The following SLC14A2 variants were observed in gnomAD, a reference collection of about 807,000 sequenced individuals.
The protein encoded by SLC14A2 is solute carrier family 14 member 2.
A neutral mutation model predicts 104.6 loss-of-function variants in SLC14A2; 91 were observed. That is an observed-to-expected ratio of 0.87 (90% CI 0.73 to 1.04). The LOEUF is 1.04. Among genes scored for constraint, SLC14A2 ranks in the 50% least tolerant of loss-of-function variants. The probability of loss-of-function intolerance (pLI) is 0.00; values close to 1 mark genes in which losing one functional copy is unlikely to be tolerated. For synonymous variants in SLC14A2, 476 were observed against 466.4 expected (o/e 1.02, Z -0.27); for missense variants, 1,189 against 1,156.0 (o/e 1.03, Z -0.41).
At chr18:45,473,790 G>A (rs1291245911) in intron 1 of SLC14A2, among the ~76,000 whole-genome samples, 2 of 152,114 alleles carry the variant, frequency 1.3e-5, no homozygotes, top group Non-Finnish European at 2.9e-5. Flanking sequence ...TGAGATGATG[G>A]GGTTTTCTAA....
chr18:45,383,174 CGA>C (rs1433491182), intron 1 of SLC14A2, among the ~76,000 whole-genome samples: 1 of 152,160 alleles, frequency 6.6e-6, no homozygotes, highest in Non-Finnish European at 1.5e-5. Context: ...AATGGGTTAG[CGA>C]GAAAAGCAGG....
At chr18:45,250,755 C>CTTTTTTTTTTTTTTTTTT (rs67864793) in intron 1 of SLC14A2, among the ~76,000 whole-genome samples, 18 of 93,884 alleles carry the variant, frequency 1.9e-4, no homozygotes, top group African/African-American at 7.0e-4. Flanking sequence ...TGGCTTCTTC[C>CTTTTTTTTTTTTTTTTTT]TTTTTTTTTT....
intron 2 of SLC14A2, among the ~76,000 whole-genome samples, chr18:45,490,957 G>T (rs1398063850): frequency 6.6e-6 from 1 of 152,178 alleles, no homozygotes; most frequent in African/African-American, 2.4e-5. Context: ...AAAATTGAAA[G>T]GTTCAGCAAT....
intron 1 of SLC14A2, among the ~76,000 whole-genome samples, chr18:45,350,099 T>A (rs573710314): frequency 3.3e-5 from 5 of 152,344 alleles, no homozygotes; most frequent in African/African-American, 1.2e-4. Context: ...CACAGACCCT[T>A]GAGCATGGTC....
At chr18:45,670,697 G>A (rs532171923) in intron 16 of SLC14A2, among the ~76,000 whole-genome samples, 1 of 152,274 alleles carries the variant, frequency 6.6e-6, no homozygotes, top group African/African-American at 2.4e-5. Context: ...GTCTCATTCT[G>A]TCACCCCGGC....
chr18:45,638,323 A>G (rs1286356287), intron 6 of SLC14A2, among the ~76,000 whole-genome samples: 1 of 152,228 alleles, frequency 6.6e-6, no homozygotes, highest in African/African-American at 2.4e-5. Flanking sequence ...GGTTATTAAA[A>G]GACCATTCAT....
intron 1 of SLC14A2, among the ~76,000 whole-genome samples, chr18:45,340,170 C>A (rs1002239767): frequency 1.3e-5 from 2 of 152,316 alleles, no homozygotes; most frequent in African/African-American, 4.8e-5. Context: ...TTTCTCAGAG[C>A]AGCATTTCTG....
intron 2 of SLC14A2, among the ~76,000 whole-genome samples, chr18:45,595,227 G>A (rs895338824): frequency 8.6e-5 from 9 of 104,068 alleles, no homozygotes; most frequent in Non-Finnish European, 1.1e-4. Flanking sequence ...TTAATGTTAC[G>A]CAAAAAGCAG....
intron 1 of SLC14A2, among the ~76,000 whole-genome samples, chr18:45,306,800 G>A (rs1472905966): frequency 6.6e-6 from 1 of 152,162 alleles, no homozygotes; most frequent in Non-Finnish European, 1.5e-5. Flanking sequence ...CAGCTGGGTG[G>A]CAGCTAAGAT....
chr18:45,354,144 G>A (rs757972658), intron 1 of SLC14A2, among the ~76,000 whole-genome samples: 6 of 152,092 alleles, frequency 3.9e-5, no homozygotes, highest in Non-Finnish European at 7.3e-5. Context: ...TCAATACTAC[G>A]TAAATATAAA....
rs116373129 is a variant in SLC14A2 at position 45,619,304 on chromosome 18, C to T, written c.-35+3722C>T. Among the ~76,000 whole-genome samples, 197 of 152,366 alleles carry T rather than the reference C, an allele frequency of 1.3e-3. 2 individuals carry two copies. The highest frequency in any genetic ancestry group is 3.6e-3 in the African/African-American group (151 of 41,584). On this transcript the variant is annotated intron_variant, in intron 1 of 19. Transcript: ENST00000255226. ...CTCTGCACCGCCCTCTTGCCCTCTG[C>T]CCTTGTGCCTCCTGCTCAGGACACA...
intron 2 of SLC14A2, among the ~76,000 whole-genome samples, chr18:45,581,768 G>A (rs1048528459): frequency 2.0e-5 from 3 of 152,288 alleles, no homozygotes; most frequent in East Asian, 1.9e-4. Flanking sequence ...TCTGAGTCCC[G>A]AATGACCCTA....
chr18:45,618,438 G>A (rs186877930), intron 1 of SLC14A2, among the ~76,000 whole-genome samples: 1 of 152,028 alleles, frequency 6.6e-6, no homozygotes, highest in East Asian at 1.9e-4. Flanking sequence ...GGAGGCCCAG[G>A]CCAGTGGATT....
At chr18:45,287,101 A>G (rs1045020078) in intron 1 of SLC14A2, among the ~76,000 whole-genome samples, 2 of 152,118 alleles carry the variant, frequency 1.3e-5, no homozygotes, top group Admixed American at 1.3e-4. Flanking sequence ...CCCCACAGAG[A>G]CTCAAAAGAA....
rs75948706 is a variant in SLC14A2, at chr18:45,232,105, A to G, written c.-125+18914A>G. On this transcript the variant is annotated intron_variant, in intron 1 of 20. Coordinates refer to the SLC14A2 transcript ENST00000586448. Reference sequence around the variant, plus strand: ...GCTATGGGAGCAGAAAGGGAAGTGTATTGTTTATTCTCACACTGCTAGCAA... The same window carrying G: ...GCTATGGGAGCAGAAAGGGAAGTGTGTTGTTTATTCTCACACTGCTAGCAA... 9.8e-3 allele frequency among the ~76,000 whole-genome samples: 1,484 copies of G among 152,136 alleles called. 39 individuals are homozygous for G. Among genetic ancestry groups the G allele is most frequent in the East Asian group, 0.075 (385 of 5,162 alleles).
In SLC14A2 at chr18:45,620,942, C is replaced by T. The variant is rs187032242; in HGVS notation, c.-34-3689C>T. 5.9e-5 allele frequency among the ~76,000 whole-genome samples: 9 copies of T among 152,172 alleles called. No homozygotes were observed. The East Asian group carries it at 1.7e-3, about 29-fold the overall frequency. On this transcript the variant is annotated intron_variant, in intron 1 of 19. Transcript: ENST00000255226. ...TCCATGAAATATGTTTAGGAAAAAC[C>T]TTTATCATTACCACTTTTCAGCTAG...
intron 2 of SLC14A2, among the ~76,000 whole-genome samples, chr18:45,531,223 G>T (rs2043680504): frequency 1.3e-5 from 2 of 152,158 alleles, no homozygotes; most frequent in African/African-American, 2.4e-5. Context: ...CCAGTAATGG[G>T]ATGGCTGGGT....
intron 1 of SLC14A2, among the ~76,000 whole-genome samples, chr18:45,442,524 C>T (rs2086696987): frequency 1.3e-5 from 2 of 152,128 alleles, no homozygotes; most frequent in Non-Finnish European, 2.9e-5. Context: ...TCTCTATATC[C>T]AAATTTCCTC....
intron 4 of SLC14A2, among the ~76,000 whole-genome samples, chr18:45,631,520 C>A (rs890325656): frequency 5.2e-5 from 8 of 152,388 alleles, no homozygotes; most frequent in Non-Finnish European, 1.0e-4. Flanking sequence ...CACTTCTGGG[C>A]TGCTCCTCAC....
Sources: allele counts gnomAD v4.1 joint callset (sites outside exome capture counted in the v4.1 genomes callset), GRCh38; gene constraint gnomAD v4.1.1; transcripts MANE v1.5; gene names NCBI Gene and HGNC (gene_info 2026-07-23, HGNC 2026-07-21).